Variants in ATXN7L1 observed in about 807,000 individuals in gnomAD.
The protein encoded by ATXN7L1 is ataxin-7-like protein 1.
Under a neutral mutation model 70.8 loss-of-function variants are expected in ATXN7L1, and 15 were observed. The ratio of observed to expected loss-of-function variants is 0.21; its 90% CI spans 0.14 to 0.33. ATXN7L1 has a LOEUF of 0.33. Ranked by LOEUF, ATXN7L1 falls within the 10% of genes least tolerant of loss-of-function variation. The probability of loss-of-function intolerance (pLI) is 1.00; values close to 1 mark genes in which losing one functional copy is unlikely to be tolerated. For missense variants in ATXN7L1, 975 were observed against 1,097.1 expected, an observed-to-expected ratio of 0.89 and a Z score of 1.57; for synonymous variants, 440 against 445.1, an observed-to-expected ratio of 0.99 and a Z score of 0.14.
At chr7:105,799,685 C>T (rs1461256907) in intron 2 of ATXN7L1, among the ~76,000 whole-genome samples, 2 of 152,090 alleles carry the variant, frequency 1.3e-5, no homozygotes, top group African/African-American at 2.4e-5. Flanking sequence ...ATCGCCCAAA[C>T]GATGCTGCCA....
chr7:105,729,996 C>T (rs2116326495), intron 3 of ATXN7L1, among the ~76,000 whole-genome samples: 1 of 152,242 alleles, frequency 6.6e-6, no homozygotes, highest in South Asian at 2.1e-4. Flanking sequence ...CTCGGCCTCC[C>T]AAAGTGCTGG....
chr7:105,619,139 A>ATTTTTTTTTTT (rs1794365463), intron 9 of ATXN7L1, among the ~76,000 whole-genome samples: 11 of 23,578 alleles, frequency 4.7e-4, no homozygotes, highest in East Asian at 2.4e-3. Context: ...TGAAATCTTT[A>ATTTTTTTTTTT]GTTTTTTTTT....
chr7:105,876,594 G>A lies in ATXN7L1; in HGVS notation c.-36C>T. On this transcript the variant is annotated 5_prime_UTR_variant, in exon 1 of 12. Transcript: ENST00000419735. ...TTCCGACATTGAGTGTTCTGAAAGGGGGAGGGAGGGAGGAAGGGCGGGATG... is the reference window on the plus strand; with the variant it reads ...TTCCGACATTGAGTGTTCTGAAAGGAGGAGGGAGGGAGGAAGGGCGGGATG... The A allele has an allele frequency of 6.7e-7, 1 of 1,496,766 alleles. No individual in the cohort carries two copies. Among genetic ancestry groups the A allele is most frequent in the Non-Finnish European group, 9.2e-7 (1 of 1,090,684 alleles). The allele number at this position is 1,496,766 out of a possible 1,614,324, so 92.7% of individuals were successfully genotyped here.
chr7:105,768,431 A>G (rs1279199977), intron 3 of ATXN7L1, among the ~76,000 whole-genome samples: 1 of 151,772 alleles, frequency 6.6e-6, no homozygotes, highest in Non-Finnish European at 1.5e-5. Context: ...TCTGTGGCCT[A>G]GGAATGAGAG....
At chr7:105,706,731 C>T (rs560912013) in intron 3 of ATXN7L1, among the ~76,000 whole-genome samples, 7 of 152,306 alleles carry the variant, frequency 4.6e-5, no homozygotes, top group South Asian at 2.1e-4. Context: ...TCTAGGTCCC[C>T]GATGTAGACC....
intron 2 of ATXN7L1, among the ~76,000 whole-genome samples, chr7:105,857,104 C>T (rs1815852162): frequency 6.6e-6 from 1 of 152,188 alleles, no homozygotes; most frequent in South Asian, 2.1e-4. Context: ...GCTCTTCCTT[C>T]CCTGTACAAT....
chr7:105,632,373 TA>T (rs924660247), intron 7 of ATXN7L1, among the ~76,000 whole-genome samples: 14 of 152,206 alleles, frequency 9.2e-5, no homozygotes, highest in Admixed American at 2.0e-4. Flanking sequence ...ATAAATGATT[TA>T]AAATACCATT....
chr7:105,657,697 T>C (rs1411228260), intron 4 of ATXN7L1, among the ~76,000 whole-genome samples: 1 of 87,902 alleles, frequency 1.1e-5, no homozygotes, highest in Non-Finnish European at 2.0e-5. Context: ...AGTGAGACCC[T>C]GTCTCAAAAA....
chr7:105,817,529 C>T (rs1010538672), intron 2 of ATXN7L1, among the ~76,000 whole-genome samples: 16 of 152,136 alleles, frequency 1.1e-4, no homozygotes, highest in Admixed American at 2.6e-4. Flanking sequence ...AAAAATATTA[C>T]GTGTGACTAT....
Position 105,614,877 on chromosome 7 carries a change from G to A in ATXN7L1, c.1518-61C>T, listed in dbSNP as rs1337943063. 8 of 1,497,234 alleles carry A rather than the reference G, an allele frequency of 5.3e-6. No homozygotes were observed. The Admixed American group carries it at 6.5e-5, about 12-fold the overall frequency. 92.7% of individuals were successfully genotyped at this position (1,497,234 alleles called of 1,614,324 possible). ...GACATCGGGTTGGCATTGCTCAGGA[G>A]GCTCGATGACGTTTGAGGATCAGGG... On this transcript the variant is annotated intron_variant, in intron 9 of 11. Transcript: ENST00000419735. This position sits in a 1 kb window ranked among gnomAD's most constrained non-coding sequence, Gnocchi z 4.3.
intron 4 of ATXN7L1, among the ~76,000 whole-genome samples, chr7:105,646,593 C>T (rs961715352): frequency 2.6e-5 from 4 of 151,920 alleles, no homozygotes; most frequent in Admixed American, 2.6e-4. Flanking sequence ...AATTTTTGTA[C>T]TTTTAGTAGA....
intron 8 of ATXN7L1, among the ~76,000 whole-genome samples, chr7:105,622,274 T>G (rs1404337874): frequency 5.3e-5 from 8 of 152,202 alleles, no homozygotes. Context: ...GCCTGGCAGG[T>G]TGTCATCTGG....
chr7:105,624,372 C>A (rs1168034468), intron 7 of ATXN7L1, 105 bp from the exon 8 acceptor site: 14 of 1,160,712 alleles, frequency 1.2e-5, no homozygotes, highest in Non-Finnish European at 1.5e-5. Context: ...CTGATTAAGG[C>A]CAGGTTCGGT....
At chr7:105,643,412 A>G (rs530299288) in intron 4 of ATXN7L1, among the ~76,000 whole-genome samples, 62 of 152,234 alleles carry the variant, frequency 4.1e-4, no homozygotes, top group Admixed American at 8.5e-4. Context: ...CCCGGGCCCT[A>G]TAGGTTGGCC....
intron 2 of ATXN7L1, among the ~76,000 whole-genome samples, chr7:105,833,220 C>T (rs1811883937): frequency 6.6e-6 from 1 of 152,176 alleles, no homozygotes; most frequent in East Asian, 1.9e-4. Context: ...CTGACCCTCA[C>T]TGGCTGTTTC....
chr7:105,636,455 C>A (rs1022402755), intron 7 of ATXN7L1, among the ~76,000 whole-genome samples: 1 of 149,256 alleles, frequency 6.7e-6, no homozygotes, highest in African/African-American at 2.4e-5. Flanking sequence ...CTGCCCCCCC[C>A]ACCCCCACTT....
At chr7:105,627,832 C>T (rs1795944334) in intron 7 of ATXN7L1, among the ~76,000 whole-genome samples, 1 of 134,726 alleles carries the variant, frequency 7.4e-6, no homozygotes, top group East Asian at 2.3e-4. Context: ...ACGCCCGGTC[C>T]TGTCTTTAGT....
At chr7:105,623,781 C>T (rs191651301) in intron 8 of ATXN7L1, among the ~76,000 whole-genome samples, 4 of 152,352 alleles carry the variant, frequency 2.6e-5, no homozygotes, top group South Asian at 2.1e-4. Flanking sequence ...ATTTCTCACG[C>T]GTGCTCGCTT....
At chr7:105,645,520 C>T (rs1057010796) in intron 4 of ATXN7L1, among the ~76,000 whole-genome samples, 1 of 149,766 alleles carries the variant, frequency 6.7e-6, no homozygotes, top group African/African-American at 2.5e-5. Flanking sequence ...AAATTGGCCA[C>T]ACGTGGTGGC....
Sources: gnomAD v4.1 joint callset for allele counts (sites outside exome capture counted in the v4.1 genomes callset) on GRCh38, gnomAD v4.1.1 for gene constraint, Gnocchi (gnomAD v3.1) non-coding constraint, MANE v1.5 for transcripts, NCBI Gene and HGNC (gene_info 2026-07-23, HGNC 2026-07-21) for gene names.